The following XKR6 variants were observed in gnomAD, a reference collection of about 807,000 sequenced individuals.
The protein encoded by XKR6 is XK-related protein 6.
XKR6 carries 22 observed loss-of-function variants against 56.7 expected under a neutral mutation model. The ratio of observed to expected loss-of-function variants is 0.39; its 90% CI spans 0.28 to 0.55. The LOEUF is 0.55. Among genes scored for constraint, XKR6 ranks in the 20% least tolerant of loss-of-function variants. The pLI, the probability that XKR6 is intolerant of heterozygous loss-of-function variation, is 0.66. For synonymous variants in XKR6, 524 were observed against 387.8 expected (o/e 1.35, Z -4.13); for missense variants, 852 against 889.0 (o/e 0.96, Z 0.53).
intron 1 of XKR6, among the ~76,000 whole-genome samples, chr8:10,972,894 A>C (rs890382612): frequency 1.3e-5 from 2 of 152,246 alleles, no homozygotes; most frequent in Admixed American, 1.3e-4. Flanking sequence ...CGATAATGAA[A>C]ACATTTTTTT....
At chr8:11,004,370 G>C (rs1242063156) in intron 1 of XKR6, among the ~76,000 whole-genome samples, 1 of 152,104 alleles carries the variant, frequency 6.6e-6, no homozygotes, top group Non-Finnish European at 1.5e-5. Flanking sequence ...TACTTAAGAG[G>C]CTGAGGCAGA....
intron 1 of XKR6, among the ~76,000 whole-genome samples, chr8:11,117,727 CA>C (rs914967467): frequency 6.6e-6 from 1 of 151,492 alleles, no homozygotes; most frequent in African/African-American, 2.4e-5. Context: ...AAAAAGTGGC[CA>C]AAAAACCACT....
chr8:11,095,685 C>G (rs1798245211), intron 1 of XKR6, among the ~76,000 whole-genome samples: 1 of 152,206 alleles, frequency 6.6e-6, no homozygotes. Context: ...CAACTTGGCT[C>G]TCCTCCTTTG....
intron 2 of XKR6, among the ~76,000 whole-genome samples, chr8:10,915,472 TCATGAAACC>T (rs1320592476): frequency 6.6e-6 from 1 of 151,962 alleles, no homozygotes; most frequent in African/African-American, 2.4e-5. Context: ...GCATTCACTG[TCATGAAACC>T]CATTGAGTTT....
At chr8:11,172,649 G>A (rs890335167) in intron 1 of XKR6, among the ~76,000 whole-genome samples, 2 of 152,092 alleles carry the variant, frequency 1.3e-5, no homozygotes, top group Non-Finnish European at 2.9e-5. Context: ...GCCGGGAATT[G>A]GTAATGTAGA....
At chr8:10,976,175 C>G (rs187838317) in intron 1 of XKR6, among the ~76,000 whole-genome samples, 459 of 144,692 alleles carry the variant, frequency 3.2e-3, no homozygotes, top group Admixed American at 5.8e-3. Flanking sequence ...GACTCCATCT[C>G]AAGAAAAAAA....
chr8:11,043,684 C>T (rs1586469780), intron 1 of XKR6, among the ~76,000 whole-genome samples: 1 of 152,320 alleles, frequency 6.6e-6, no homozygotes, highest in East Asian at 1.9e-4. Context: ...ATGGTCCCAC[C>T]CACCTCTTGG....
chr8:11,123,747 C>T (rs560303158), intron 1 of XKR6: 3 of 424,136 alleles, frequency 7.1e-6, no homozygotes, highest in African/African-American at 2.0e-5. Flanking sequence ...ACCCCTACCC[C>T]GGGAAAAAAA....
At chr8:10,956,334 G>C (rs199893530) in intron 1 of XKR6, among the ~76,000 whole-genome samples, 1 of 142,232 alleles carries the variant, frequency 7.0e-6, no homozygotes, top group Non-Finnish European at 1.5e-5. Flanking sequence ...CCCGGGATGT[G>C]GTGGGGGTGG....
intron 2 of XKR6, among the ~76,000 whole-genome samples, chr8:10,903,653 A>C (rs1800104457): frequency 6.6e-6 from 1 of 152,098 alleles, no homozygotes; most frequent in South Asian, 2.1e-4. Context: ...GGTCCTTCTA[A>C]GGAGTGGAAA....
At chr8:10,915,916 C>T (rs746563363) in intron 2 of XKR6, among the ~76,000 whole-genome samples, 14 of 152,178 alleles carry the variant, frequency 9.2e-5, no homozygotes, top group Non-Finnish European at 1.3e-4. Flanking sequence ...AGAACGGGGT[C>T]AAGAGGGAGT....
intron 1 of XKR6, among the ~76,000 whole-genome samples, chr8:11,182,731 T>C (rs1328886215): frequency 1.3e-5 from 2 of 152,250 alleles, no homozygotes; most frequent in African/African-American, 2.4e-5. Flanking sequence ...GCAAAGTATA[T>C]ACAACAAAAT....
At chr8:11,039,347 G>C (rs565565778) in intron 1 of XKR6, among the ~76,000 whole-genome samples, 10 of 152,232 alleles carry the variant, frequency 6.6e-5, no homozygotes, top group African/African-American at 2.4e-4. Context: ...AGAGTGGCTG[G>C]GCAATGAAGC....
intron 1 of XKR6, among the ~76,000 whole-genome samples, chr8:10,971,668 T>C (rs1045787934): frequency 6.6e-6 from 1 of 152,058 alleles, no homozygotes; most frequent in Non-Finnish European, 1.5e-5. Context: ...CCTTCACTTT[T>C]TGTACCATTT....
intron 1 of XKR6, among the ~76,000 whole-genome samples, chr8:11,165,695 T>A (rs11987830): frequency 0.077 from 11,775 of 152,156 alleles, 1,541 homozygotes; most frequent in African/African-American, 0.27. Context: ...CCCAATCCAG[T>A]ATCAAAATGA....
At chr8:10,927,577 G>C (rs1470526082) in intron 1 of XKR6, among the ~76,000 whole-genome samples, 1 of 152,152 alleles carries the variant, frequency 6.6e-6, no homozygotes, top group Non-Finnish European at 1.5e-5. Context: ...CCAGTGCTCA[G>C]GTTCACCCAG....
chr8:11,104,732 G>A (rs1586550216), intron 1 of XKR6: 1 of 152,186 alleles, frequency 6.6e-6, no homozygotes, highest in East Asian at 1.9e-4. Context: ...TTTTTTTGCA[G>A]ATTGGTGGCT....
chr8:11,103,484 A>C (rs1212988629), intron 1 of XKR6, among the ~76,000 whole-genome samples: 2 of 152,168 alleles, frequency 1.3e-5, no homozygotes, highest in African/African-American at 4.8e-5. Context: ...AAGTGGAAAA[A>C]CTACCTGACA....
intron 1 of XKR6, among the ~76,000 whole-genome samples, chr8:10,960,751 C>T (rs1287568876): frequency 1.3e-5 from 2 of 152,218 alleles, no homozygotes; most frequent in Non-Finnish European, 2.9e-5. Flanking sequence ...CAGGAGGTAT[C>T]ATTCCCTCTC....
Sources: allele counts gnomAD v4.1 joint callset (sites outside exome capture counted in the v4.1 genomes callset), GRCh38; gene constraint gnomAD v4.1.1; transcripts MANE v1.5; gene names NCBI Gene and HGNC (gene_info 2026-07-23, HGNC 2026-07-21).